The following RAB3IP variants were observed in gnomAD, a reference collection of about 807,000 sequenced individuals.
RAB3IP encodes RAB3A interacting protein, also known as rab-3A-interacting protein.
Under a neutral mutation model 59.1 loss-of-function variants are expected in RAB3IP, and 36 were observed. That is an observed-to-expected ratio of 0.61 (90% CI 0.47 to 0.80). RAB3IP has a LOEUF of 0.80. RAB3IP is among the 30% of genes least tolerant of loss of function. The pLI, the probability that RAB3IP is intolerant of heterozygous loss-of-function variation, is 0.00. For synonymous variants in RAB3IP, 207 were observed against 191.2 expected (o/e 1.08, Z -0.68); for missense variants, 511 against 536.0 (o/e 0.95, Z 0.46).
At chr12:69,814,403 C>G (rs1359661092) in intron 10 of RAB3IP, among the ~76,000 whole-genome samples, 3 of 152,006 alleles carry the variant, frequency 2.0e-5, no homozygotes, top group Non-Finnish European at 4.4e-5. Flanking sequence ...AGGTATTAGT[C>G]TTAAAATCTG....
chr12:69,739,662 A>G (rs1297356806), intron 1 of RAB3IP: 2 of 641,866 alleles, frequency 3.1e-6, no homozygotes, highest in Admixed American at 2.9e-5. Context: ...GCGCCCAAGT[A>G]GGCAGCTCCG....
chr12:69,792,911 C>A (rs964346691), intron 4 of RAB3IP, among the ~76,000 whole-genome samples: 1 of 152,200 alleles, frequency 6.6e-6, no homozygotes, highest in African/African-American at 2.4e-5. Flanking sequence ...GCATAATCCA[C>A]TATTAATGAA....
In RAB3IP at chr12:69,800,260, A is replaced by G; in HGVS notation, c.940A>G (p.Met314Val). The G allele has an allele frequency of 2.5e-6, 4 of 1,594,436 alleles. No individual in the cohort carries two copies. The highest frequency in any genetic ancestry group is 3.4e-6 in the Non-Finnish European group (4 of 1,171,374). The change falls in exon 7 of 11, where the codon ATG becomes GTG. Residue 314 changes from methionine to valine, a missense_variant. Transcript: ENST00000247833. ...CCGATTGTGGAAGGATGAGCCCACA[A>G]TGGACAGGACGTGTCCTTTCTTAGA... ...EFRLWKDEPT[M>V]DRTCPFLDKI...
At chr12:69,744,192 G>A (rs1378285288) in intron 1 of RAB3IP, among the ~76,000 whole-genome samples, 1 of 151,806 alleles carries the variant, frequency 6.6e-6, no homozygotes, top group Admixed American at 6.6e-5. Context: ...GTGTCCGTGT[G>A]TTCTCATTGT....
chr12:69,742,929 C>T (rs535212865), intron 1 of RAB3IP, among the ~76,000 whole-genome samples: 6 of 152,114 alleles, frequency 3.9e-5, no homozygotes, highest in Non-Finnish European at 5.9e-5. Context: ...TAGCCGTAAA[C>T]TGATATTACT....
intron 1 of RAB3IP, among the ~76,000 whole-genome samples, chr12:69,751,582 A>G (rs1869304412): frequency 6.6e-6 from 1 of 152,156 alleles, no homozygotes; most frequent in South Asian, 2.1e-4. Context: ...AATATGCTGA[A>G]AATCTTAGTT....
chr12:69,809,752 A>G (rs1002701087), intron 8 of RAB3IP, among the ~76,000 whole-genome samples: 1 of 152,168 alleles, frequency 6.6e-6, no homozygotes, highest in Non-Finnish European at 1.5e-5. Flanking sequence ...CAGCTCCATC[A>G]GGTCCTTTAA....
At chr12:69,762,938 AT>A (rs143191019) in intron 3 of RAB3IP, among the ~76,000 whole-genome samples, 11,830 of 152,144 alleles carry the variant, frequency 0.078, 540 homozygotes, top group South Asian at 0.13. Flanking sequence ...ATTTGTAAAC[AT>A]TAACAAATAT....
Position 69,795,220 on chromosome 12 carries a change from C to T in RAB3IP, c.764C>T (p.Pro255Leu), listed in dbSNP as rs1470477434. The change falls in exon 6 of 11, where the codon CCT (proline) becomes CTT (leucine). Residue 255 changes from proline to leucine, a missense_variant. Coordinates refer to ENST00000247833, the MANE Select transcript of RAB3IP (RefSeq NM_022456.5). The stretch of plus-strand genomic sequence containing the variant: ...TCTCCAACATCACCTACGCAGGAGC[C>T]TTTGCCAGGTGGAAAGACACCTTTT... The part of the protein sequence containing the change: ...SSSPTSPTQE[P>L]LPGGKTPFKK... The T allele has an allele frequency of 2.5e-6, 4 of 1,614,086 alleles. No individual in the cohort carries two copies. The East Asian group carries it at 8.9e-5, about 36-fold the overall frequency.
At chr12:69,785,654 A>T (rs189211532) in intron 4 of RAB3IP, among the ~76,000 whole-genome samples, 2 of 152,280 alleles carry the variant, frequency 1.3e-5, no homozygotes, top group East Asian at 3.9e-4. Context: ...AACTGATTGG[A>T]TGAGGGTCAC....
Position 69,755,535 on chromosome 12 carries a change from C to A in RAB3IP, c.127C>A (p.Pro43Thr). ...QTTSPSVIYR[P>T]HPSALSSVPI... ...TACCTCACCAAGTGTCATCTACCGG[C>A]CACACCCTTCAGCTTTATCCTCTGT... The change falls in exon 2 of 11, where the codon CCA becomes ACA. Residue 43 changes from proline to threonine, a missense_variant. Physicochemically the swap from Pro to Thr is conservative, Grantham distance 38 (BLOSUM62 -1). Transcript: ENST00000247833. The A allele has an allele frequency of 6.2e-7, 1 of 1,614,098 alleles. No individual in the cohort carries two copies. The highest frequency in any genetic ancestry group is 1.6e-4 in the Middle Eastern group (1 of 6,062).
In RAB3IP at chr12:69,817,092, A is replaced by T. The variant is rs1862699269; in HGVS notation, c.*1646A>T. On this transcript the variant is annotated 3_prime_UTR_variant, in exon 11 of 11. Coordinates refer to ENST00000247833, the MANE Select transcript of RAB3IP (RefSeq NM_022456.5). ...AACTAAAATCACTTTTGGAGAAAGT[A>T]CCTAAATAAAAAGAGAAACAAATCC... is the stretch of plus-strand genomic sequence containing the variant. 1 of 152,228 alleles carries T rather than the reference A, an allele frequency of 6.6e-6. No homozygotes were observed. Among genetic ancestry groups the T allele is most frequent in the South Asian group, 2.1e-4 (1 of 4,834 alleles). 9.4% of individuals were successfully genotyped at this position (152,228 alleles called of 1,614,324 possible).
At chr12:69,775,447 A>G (rs1336040509) in intron 3 of RAB3IP, among the ~76,000 whole-genome samples, 1 of 111,804 alleles carries the variant, frequency 8.9e-6, no homozygotes, top group African/African-American at 3.6e-5. Context: ...TTCCAACACT[A>G]TGTTGAATAG....
In RAB3IP at chr12:69,792,230, A is replaced by G. The variant is rs141240858; in HGVS notation, c.607-2207A>G. On this transcript the variant is annotated intron_variant, in intron 4 of 10. Transcript: ENST00000247833. ...AGGATAGATAAATTCTGAAGACCCA[A>G]TGTACAGCACGACTATATCGTATGT... Among the ~76,000 whole-genome samples, 31 of 152,278 alleles carry G rather than the reference A, an allele frequency of 2.0e-4. No individual in the cohort carries two copies. The East Asian group carries it at 4.0e-3, about 20-fold the overall frequency.
At chr12:69,797,512 A>T (rs1413920803) in intron 6 of RAB3IP, among the ~76,000 whole-genome samples, 25 of 46,648 alleles carry the variant, frequency 5.4e-4, no homozygotes, top group Admixed American at 1.2e-3. Context: ...ATAAATTTGC[A>T]TCTTTCTTTT....
Position 69,796,539 on chromosome 12 carries a change from G to A in RAB3IP, c.888+1195G>A, listed in dbSNP as rs190209788. On this transcript the variant is annotated intron_variant, in intron 6 of 10. Coordinates refer to ENST00000247833, the MANE Select transcript of RAB3IP (RefSeq NM_022456.5). Reference sequence around the variant, plus strand: ...TAATCTTGAAGAAATGTGTGTGCTTGTTAAATTTTTGTATGGAAGCCAGGA... The same window carrying A: ...TAATCTTGAAGAAATGTGTGTGCTTATTAAATTTTTGTATGGAAGCCAGGA... 709 of 499,862 alleles carry A rather than the reference G, an allele frequency of 1.4e-3. 3 individuals are homozygous for A. Among genetic ancestry groups the A allele is most frequent in the African/African-American group, 0.013 (641 of 50,688 alleles). 31.0% of individuals were successfully genotyped at this position (499,862 alleles called of 1,614,324 possible).
chr12:69,808,207 G>A (rs1879789359), intron 8 of RAB3IP, among the ~76,000 whole-genome samples: 1 of 152,228 alleles, frequency 6.6e-6, no homozygotes, highest in Non-Finnish European at 1.5e-5. Context: ...AGTTGTGAGT[G>A]AGTTTCTTAA....
chr12:69,764,965 G>A (rs1209402224), intron 3 of RAB3IP, among the ~76,000 whole-genome samples: 1 of 152,138 alleles, frequency 6.6e-6, no homozygotes, highest in East Asian at 1.9e-4. Flanking sequence ...GTATACAAAT[G>A]CTGCTGAATT....
Position 69,816,182 on chromosome 12 carries a change from T to TTAAAGGGGTG in RAB3IP, c.*738_*747dup, listed in dbSNP as rs1214722935. 1 of 152,190 alleles carries TTAAAGGGGTG rather than the reference T, an allele frequency of 6.6e-6. No individual in the cohort carries two copies. Among genetic ancestry groups the TTAAAGGGGTG allele is most frequent in the African/African-American group, 2.4e-5 (1 of 41,450 alleles). The allele number at this position is 152,190 out of a possible 1,614,324, so 9.4% of individuals were successfully genotyped here. ...TGAGTTTGACGTGTGTCAAAGGGGT[T>TTAAAGGGGTG]TAAAGGGGTGTGGATTGAATGAATG... On this transcript the variant is annotated 3_prime_UTR_variant, in exon 11 of 11. Transcript: ENST00000247833.
Sources: gnomAD v4.1 joint callset for allele counts (sites outside exome capture counted in the v4.1 genomes callset) on GRCh38, gnomAD v4.1.1 for gene constraint, MANE v1.5 for transcripts, NCBI Gene and HGNC (gene_info 2026-07-23, HGNC 2026-07-21) for gene names.